The following SPRYD3 variants were observed in gnomAD, a reference collection of about 807,000 sequenced individuals.
The protein encoded by SPRYD3 is SPRY domain containing 3, also known as SPRY domain-containing protein 3.
SPRYD3 carries 17 observed loss-of-function variants against 50.1 expected under a neutral mutation model. That is an observed-to-expected ratio of 0.34 (90% CI 0.23 to 0.51). The LOEUF is 0.51. Ranked by LOEUF, SPRYD3 falls within the 20% of genes least tolerant of loss-of-function variation. The pLI, the probability that SPRYD3 is intolerant of heterozygous loss-of-function variation, is 0.97. For missense variants in SPRYD3, 401 were observed against 591.2 expected, an observed-to-expected ratio of 0.68 and a Z score of 3.34; for synonymous variants, 198 against 215.5, an observed-to-expected ratio of 0.92 and a Z score of 0.71.
At chr12:53,066,170 A>G (rs1944504209) in intron 10 of SPRYD3, 144 bp downstream of exon 10, 2 of 1,446,970 alleles carry the variant, frequency 1.4e-6, no homozygotes, top group African/African-American at 1.4e-5. Context: ...CGATCTCAGC[A>G]ACCCCTGGAG....
chr12:53,068,123 C>T, intron 7 of SPRYD3, 32 bp downstream of exon 7: 2 of 1,613,628 alleles, frequency 1.2e-6, no homozygotes, highest in Non-Finnish European at 8.5e-7. Context: ...TGAGCAGCTC[C>T]ATGAGCAAAA....
chr12:53,076,948 T>TAAAAAA (rs552570899), intron 2 of SPRYD3, among the ~76,000 whole-genome samples, 167 bp downstream of exon 2: 4 of 138,276 alleles, frequency 2.9e-5, no homozygotes, highest in African/African-American at 1.1e-4. Context: ...GACTCTGTCT[T>TAAAAAA]AAAAAAAAAA....
At chr12:53,070,276 T>C (rs1944540147) in intron 6 of SPRYD3, among the ~76,000 whole-genome samples, 1 of 152,146 alleles carries the variant, frequency 6.6e-6, no homozygotes, top group South Asian at 2.1e-4. Context: ...TGATCCACTC[T>C]CCTGCTCCTG....
Position 53,073,210 on chromosome 12 carries a change from C to T in SPRYD3, c.693+76G>A, listed in dbSNP as rs567676670. The T allele has an allele frequency of 3.5e-5, 34 of 975,986 alleles. No homozygotes were observed. In the African/African-American group the frequency reaches 5.4e-4, roughly 16 times the overall value. 60.5% of individuals were successfully genotyped at this position (975,986 alleles called of 1,614,324 possible). Reference sequence around the variant, plus strand: ...GACTCCCCATTCCCAGCAATTCAGACATGACCATGTGCCCACAGGTGTTCT... The same window carrying T: ...GACTCCCCATTCCCAGCAATTCAGATATGACCATGTGCCCACAGGTGTTCT... On this transcript the variant is annotated intron_variant, in intron 6 of 10. Coordinates refer to ENST00000301463, the MANE Select transcript of SPRYD3 (RefSeq NM_032840.3).
Position 53,064,947 on chromosome 12 carries a change from A to G in SPRYD3, c.*885T>C, listed in dbSNP as rs60364258. 0.11 allele frequency: 16,502 copies of G among 152,764 alleles called. 2,016 individuals carry two copies. Among genetic ancestry groups the G allele is most frequent in the African/African-American group, 0.3 (12,369 of 41,510 alleles). 9.5% of individuals were successfully genotyped at this position (152,764 alleles called of 1,614,324 possible). On this transcript the variant is annotated 3_prime_UTR_variant, in exon 11 of 11. Coordinates refer to ENST00000301463, the MANE Select transcript of SPRYD3 (RefSeq NM_032840.3). ...GCTGAGGCATGGGACGGGGCAGGAA[A>G]AGGGGAGGGAGGGGCCACGCTGCCC...
intron 7 of SPRYD3, 58 bp from the exon 8 acceptor site, chr12:53,067,763 AG>A (rs1385911960): frequency 2.5e-5 from 37 of 1,493,914 alleles, no homozygotes; most frequent in Non-Finnish European, 3.5e-5. Flanking sequence ...GACAGGAGAG[AG>A]TGGCGAGTAG....
chr12:53,066,269 C>T (rs765391246), intron 10 of SPRYD3, 45 bp downstream of exon 10: 1 of 1,596,402 alleles, frequency 6.3e-7, no homozygotes, highest in Non-Finnish European at 8.5e-7. Context: ...CACCCTTTGC[C>T]CAGACCCAAA....
chr12:53,076,611 G>C (rs1352541788), intron 2 of SPRYD3, among the ~76,000 whole-genome samples: 1 of 152,164 alleles, frequency 6.6e-6, no homozygotes, highest in East Asian at 1.9e-4. Flanking sequence ...CCCCTACCCA[G>C]CTGGATCCCC....
chr12:53,068,396 G>C, intron 6 of SPRYD3, 92 bp from the exon 7 acceptor site: 2 of 1,465,292 alleles, frequency 1.4e-6, no homozygotes, highest in Non-Finnish European at 1.9e-6. Context: ...CACTTTCCCA[G>C]GTCTGACAAA....
intron 1 of SPRYD3, chr12:53,078,176 C>T (rs1384441048): frequency 7.4e-6 from 3 of 404,584 alleles, no homozygotes; most frequent in Non-Finnish European, 1.5e-5. Flanking sequence ...AAGACCCTGT[C>T]TCAAAAAAAA....
At position 53,077,390 on chromosome 12, in the gene SPRYD3, C is replaced by T. The variant is rs1944597020; in HGVS notation, c.24-129G>A. 3.4e-6 allele frequency: 3 copies of T among 870,444 alleles called. No individual in the cohort carries two copies. The African/African-American group carries it at 5.1e-5, about 15-fold the overall frequency. The allele number at this position is 870,444 out of a possible 1,614,324, so 53.9% of individuals were successfully genotyped here. ...TGCCCAGATTGACCTCAACAACCCT[C>T]ATCTTCTTTCTTCCATTCAACAAAC... is the stretch of plus-strand genomic sequence containing the variant. On this transcript the variant is annotated intron_variant, in intron 1 of 10. Coordinates refer to ENST00000301463, the MANE Select transcript of SPRYD3 (RefSeq NM_032840.3).
At chr12:53,072,864 T>A (rs1010578496) in intron 6 of SPRYD3, among the ~76,000 whole-genome samples, 1 of 152,182 alleles carries the variant, frequency 6.6e-6, no homozygotes, top group Non-Finnish European at 1.5e-5. Context: ...CTAAGAACCT[T>A]CCACCACATG....
intron 8 of SPRYD3, 68 bp downstream of exon 8, chr12:53,067,580 G>T (rs1456955859): frequency 1.3e-6 from 2 of 1,486,336 alleles, no homozygotes; most frequent in Non-Finnish European, 1.9e-6. Flanking sequence ...CAGGAGAGGG[G>T]AAAGTGGATG....
At chr12:53,067,784 C>CAGAGGTTCAGA in intron 7 of SPRYD3, 79 bp from the exon 8 acceptor site, 2 of 1,361,580 alleles carry the variant, frequency 1.5e-6, no homozygotes, top group Non-Finnish European at 2.1e-6. Flanking sequence ...GCATCTGAAC[C>CAGAGGTTCAGA]TCTGGGACAG....
chr12:53,078,171 C>G (rs1376578379), intron 1 of SPRYD3: 2 of 414,912 alleles, frequency 4.8e-6, no homozygotes, highest in Non-Finnish European at 4.9e-6. Flanking sequence ...AGAGCAAGAC[C>G]CTGTCTCAAA....
At chr12:53,079,107 C>T (rs1944612489) in intron 1 of SPRYD3, among the ~76,000 whole-genome samples, 1 of 152,190 alleles carries the variant, frequency 6.6e-6, no homozygotes, top group South Asian at 2.1e-4. Context: ...CCGGGAGCAG[C>T]CGGGCCCCAG....
At chr12:53,072,252 G>A (rs546038525) in intron 6 of SPRYD3, among the ~76,000 whole-genome samples, 1 of 152,290 alleles carries the variant, frequency 6.6e-6, no homozygotes, top group South Asian at 2.1e-4. Context: ...CTGCAGCCTG[G>A]GACCCTGATG....
rs1592263465 is a variant in SPRYD3 at position 53,065,670 on chromosome 12, T to G, written c.*162A>C. 1.4e-6 allele frequency: 1 copy of G among 725,606 alleles called. No individual in the cohort carries two copies. Among genetic ancestry groups the G allele is most frequent in the South Asian group, 1.9e-5 (1 of 52,884 alleles). The allele number at this position is 725,606 out of a possible 1,614,324, so 44.9% of individuals were successfully genotyped here. A position where few individuals can be genotyped will look rare whatever the true frequency, so the allele number is the denominator to read the frequency against. On this transcript the variant is annotated 3_prime_UTR_variant, in exon 11 of 11. Coordinates refer to ENST00000301463, the MANE Select transcript of SPRYD3 (RefSeq NM_032840.3). ...CAGTGGCAGCACCAGGTCAGAAACGTGGGCACAGAGAAGCGTGACAGGGGC... is the reference window on the plus strand; with the variant it reads ...CAGTGGCAGCACCAGGTCAGAAACGGGGGCACAGAGAAGCGTGACAGGGGC...
At chr12:53,068,129 C>CA in intron 7 of SPRYD3, 26 bp downstream of exon 7, 1 of 1,613,804 alleles carries the variant, frequency 6.2e-7, no homozygotes, top group African/African-American at 1.3e-5. Context: ...GCTCCATGAG[C>CA]AAAAAAGCTC....
Sources: gnomAD v4.1 joint callset for allele counts (sites outside exome capture counted in the v4.1 genomes callset) on GRCh38, gnomAD v4.1.1 for gene constraint, MANE v1.5 for transcripts, NCBI Gene and HGNC (gene_info 2026-07-23, HGNC 2026-07-21) for gene names.